The following KIF5C variants were observed in gnomAD, a reference collection of about 807,000 sequenced individuals.
KIF5C encodes kinesin heavy chain isoform 5C.
KIF5C carries 18 observed loss-of-function variants against 125.2 expected under a neutral mutation model. That is an observed-to-expected ratio of 0.14 (90% CI 0.10 to 0.21). KIF5C has a LOEUF of 0.21. Ranked by LOEUF, KIF5C falls within the 10% of genes least tolerant of loss-of-function variation. The pLI is 1.00. For missense variants in KIF5C, 780 were observed against 1,183.8 expected (o/e 0.66, Z 5.01); for synonymous variants, 405 against 434.0 (o/e 0.93, Z 0.83).
intron 1 of KIF5C, among the ~76,000 whole-genome samples, chr2:148,915,082 G>T (rs1302329287): frequency 6.6e-6 from 1 of 152,146 alleles, no homozygotes; most frequent in African/African-American, 2.4e-5. Context: ...TAAATGGGAA[G>T]GTAGGTAATG....
At chr2:148,895,853 C>T (rs1681823745) in intron 1 of KIF5C, among the ~76,000 whole-genome samples, 1 of 24,356 alleles carries the variant, frequency 4.1e-5, no homozygotes, top group Admixed American at 6.1e-4. Context: ...GTGACACACA[C>T]ACACACACAC....
Position 148,994,099 on chromosome 2 carries a change from C to A in KIF5C, c.1906-322C>A, listed in dbSNP as rs114165078. 4.7e-3 allele frequency among the ~76,000 whole-genome samples: 722 copies of A among 152,308 alleles called. 4 individuals carry two copies. The highest frequency in any genetic ancestry group is 0.017 in the African/African-American group (700 of 41,570). ...GCCTTCAGCCCTGCACTTTTCCCAG[C>A]CCCTTTCTCTCATGCATGCTTTTCT... On this transcript the variant is annotated intron_variant, in intron 16 of 25. Coordinates refer to ENST00000435030, the MANE Select transcript of KIF5C (RefSeq NM_004522.3).
intron 4 of KIF5C, among the ~76,000 whole-genome samples, chr2:148,938,573 G>A (rs1682339896): frequency 6.6e-6 from 1 of 152,098 alleles, no homozygotes. Flanking sequence ...ATTCCCTTGG[G>A]CAGGGACTCA....
chr2:149,005,243 C>A, intron 21 of KIF5C, 150 bp from the exon 22 acceptor site: 4 of 1,244,176 alleles, frequency 3.2e-6, no homozygotes, highest in Non-Finnish European at 3.3e-6. Flanking sequence ...CAGGGGTGGG[C>A]ATGGTCAGGG....
intron 22 of KIF5C, 113 bp downstream of exon 22, chr2:149,005,577 T>A (rs951792136): frequency 6.9e-7 from 1 of 1,440,494 alleles, no homozygotes; most frequent in Non-Finnish European, 9.4e-7. Context: ...GCTTAAAAAT[T>A]AATTACTGCA....
Position 148,973,410 on chromosome 2 carries a change from A to G in KIF5C, c.1192A>G (p.Ile398Val). The change falls in exon 12 of 26, where the codon ATC becomes GTC. Residue 398 changes from isoleucine (I) to valine (V), a missense_variant. Physicochemically the swap from Ile to Val is conservative, Grantham distance 29 (BLOSUM62 3). Around this residue, in one of 2 missense-constraint regions of KIF5C, gnomAD observed 573 missense variants for 742.6 expected, o/e 0.77. Transcript: ENST00000435030. The part of the protein sequence containing the change: ...KNLEPCDNTP[I>V]IDNIAPVVAG... ...CCTGGAGCCTTGTGATAACACCCCC[A>G]TCATAGACAATATTGCTCCTGTTGT... The G allele has an allele frequency of 6.2e-7, 1 of 1,613,756 alleles. No individual in the cohort carries two copies.
intron 1 of KIF5C, among the ~76,000 whole-genome samples, chr2:148,915,651 G>T (rs1681516307): frequency 6.6e-6 from 1 of 152,240 alleles, no homozygotes; most frequent in African/African-American, 2.4e-5. Flanking sequence ...CTGAATGAAA[G>T]AACTTTGGGA....
At chr2:148,988,178 T>C (rs1348826302) in intron 15 of KIF5C, among the ~76,000 whole-genome samples, 3 of 151,936 alleles carry the variant, frequency 2.0e-5, no homozygotes, top group Non-Finnish European at 4.4e-5. Context: ...TAAATAACAG[T>C]GTCCTGAAAT....
In KIF5C at chr2:149,011,591, A is replaced by G. The variant is rs375455696; in HGVS notation, c.2789A>G (p.His930Arg). The G allele has an allele frequency of 3.3e-5, 54 of 1,613,922 alleles. No homozygotes were observed. Among genetic ancestry groups the G allele is most frequent in the Admixed American group, 5.0e-5 (3 of 60,008 alleles). The change falls in exon 25 of 26, where the codon CAC becomes CGC. Residue 930 changes from histidine to arginine, a missense_variant. Transcript: ENST00000435030. ...AQIAKPIRPG[H>R]YPASSPTAVH... ...ACAGCCAAGCCCATCCGCCCCGGAC[A>G]CTACCCGGCCTCATCTCCAACGGCC...
chr2:148,903,421 A>G (rs56330554), intron 1 of KIF5C, among the ~76,000 whole-genome samples: 2,881 of 152,224 alleles, frequency 0.019, 65 homozygotes, highest in Middle Eastern at 0.065. Context: ...CCTTTGCTTT[A>G]TAGTTTTAGC....
At chr2:148,897,648 G>A (rs1229608920) in intron 1 of KIF5C, among the ~76,000 whole-genome samples, 1 of 152,078 alleles carries the variant, frequency 6.6e-6, no homozygotes, top group African/African-American at 2.4e-5. Context: ...GCCAGGTGAT[G>A]TGGCTCACAC....
At chr2:148,926,167 G>A (rs1405754940) in intron 2 of KIF5C, among the ~76,000 whole-genome samples, 1 of 152,196 alleles carries the variant, frequency 6.6e-6, no homozygotes, top group Non-Finnish European at 1.5e-5. Flanking sequence ...TTTTGCTTTA[G>A]CAAGACCTGG....
intron 3 of KIF5C, among the ~76,000 whole-genome samples, chr2:148,934,579 C>A (rs1682251959): frequency 6.7e-6 from 1 of 149,856 alleles, no homozygotes; most frequent in Non-Finnish European, 1.5e-5. Context: ...ACACACTCTG[C>A]ATACATCATA....
At chr2:148,978,742 G>A (rs1363324492) in intron 12 of KIF5C, among the ~76,000 whole-genome samples, 180 bp from the exon 13 acceptor site, 1 of 152,192 alleles carries the variant, frequency 6.6e-6, no homozygotes, top group Non-Finnish European at 1.5e-5. Flanking sequence ...GCTGAGAAAG[G>A]TGGGTGAGGA....
Position 149,017,369 on chromosome 2 carries a change from G to C in KIF5C, c.*7+5686G>C, listed in dbSNP as rs1328015823. Among the ~76,000 whole-genome samples, 3 of 152,164 alleles carry C rather than the reference G, an allele frequency of 2.0e-5. No individual in the cohort carries two copies. The East Asian group carries it at 5.8e-4, about 29-fold the overall frequency. ...AGAAGCCAGATGATCAGCTGAGAGA[G>C]AGGGAGGAAGCAGGGTCTCGCTCTT... On this transcript the variant is annotated intron_variant, in intron 25 of 25. Coordinates refer to ENST00000435030, the MANE Select transcript of KIF5C (RefSeq NM_004522.3).
chr2:148,880,747 T>G (rs1451350889), intron 1 of KIF5C, among the ~76,000 whole-genome samples: 1 of 152,156 alleles, frequency 6.6e-6, no homozygotes, highest in East Asian at 1.9e-4. Flanking sequence ...GATGTTTATA[T>G]CACCTGAAAT....
intron 25 of KIF5C, chr2:149,020,145 A>T (rs1682488821): frequency 6.6e-6 from 1 of 152,202 alleles, no homozygotes; most frequent in Admixed American, 6.5e-5. Flanking sequence ...TTTAAAATTT[A>T]TATCTATTTT....
chr2:149,012,761 G>T (rs957510207), intron 25 of KIF5C, among the ~76,000 whole-genome samples: 1 of 152,288 alleles, frequency 6.6e-6, no homozygotes, highest in Non-Finnish European at 1.5e-5. Context: ...CGGGCAGTGT[G>T]CCTGCCATCA....
intron 22 of KIF5C, among the ~76,000 whole-genome samples, chr2:149,006,110 G>T (rs937325985): frequency 1.1e-4 from 16 of 152,186 alleles, no homozygotes; most frequent in African/African-American, 3.9e-4. Flanking sequence ...ACTCCATAAT[G>T]GTGACTCCCC....
Sources: gnomAD v4.1 joint callset for allele counts (sites outside exome capture counted in the v4.1 genomes callset) on GRCh38, gnomAD v4.1.1 for gene constraint, gnomAD v4.1.1 regional missense constraint, MANE v1.5 for transcripts, NCBI Gene and HGNC (gene_info 2026-07-23, HGNC 2026-07-21) for gene names.